Variants in NLRP2 observed in about 807,000 individuals in gnomAD.
NLRP2 encodes NLR family pyrin domain containing 2, also known as NACHT, LRR and PYD domains-containing protein 2.
In NLRP2, 107 loss-of-function variants were observed where a neutral mutation model predicts 97.2. The ratio of observed to expected loss-of-function variants is 1.10; its 90% CI spans 0.94 to 1.29. The LOEUF (loss-of-function observed/expected upper bound fraction) is 1.29, where lower values mean the gene tolerates loss of function less well. Among genes scored for constraint, NLRP2 ranks in the 50% most tolerant of loss-of-function variants. NLRP2 has a pLI of 0.00. For missense variants in NLRP2, 1,495 were observed against 1,330.3 expected, an observed-to-expected ratio of 1.12 and a Z score of -1.93; for synonymous variants, 663 against 551.5, an observed-to-expected ratio of 1.20 and a Z score of -2.83.
chr19:55,000,404 G>A (rs951801241), intron 12 of NLRP2, among the ~76,000 whole-genome samples: 2 of 141,406 alleles, frequency 1.4e-5, no homozygotes, highest in Non-Finnish European at 3.0e-5. Flanking sequence ...AGCCTCCTGA[G>A]TAGCTGGGAC....
chr19:54,995,485 G>A (rs2072758247), intron 11 of NLRP2, among the ~76,000 whole-genome samples: 1 of 151,780 alleles, frequency 6.6e-6, no homozygotes, highest in African/African-American at 2.4e-5. Flanking sequence ...TTGGGAGGCT[G>A]AGGCAGGAGA....
intron 11 of NLRP2, among the ~76,000 whole-genome samples, chr19:54,996,961 G>A (rs889060013): frequency 1.3e-5 from 2 of 152,134 alleles, no homozygotes; most frequent in Non-Finnish European, 2.9e-5. Context: ...AGGCTGGAGT[G>A]CAATGGCGCG....
At chr19:54,967,514 G>T (rs1020548278) in intron 1 of NLRP2, among the ~76,000 whole-genome samples, 3 of 152,024 alleles carry the variant, frequency 2.0e-5, no homozygotes, top group Admixed American at 6.6e-5. Flanking sequence ...CAGTGGTTCT[G>T]ACTGGGGAAA....
Position 54,990,022 on chromosome 19 carries a change from G to T in NLRP2, c.2367G>T (p.Gly789=). 6.2e-7 allele frequency: 1 copy of T among 1,613,764 alleles called. No individual in the cohort carries two copies. Among genetic ancestry groups the T allele is most frequent in the Non-Finnish European group, 8.5e-7 (1 of 1,179,972 alleles). Residue 789 remains glycine (G), a splice_region_variant and synonymous_variant, in exon 9 of 13, where the codon GGG becomes GGT. Transcript: ENST00000448584. Reference sequence around the variant, plus strand: ...TGACGTGGTCCTATTTCTCCCACAGGTTGGTGTCTTGTTCCGCTACCACTC... The same window carrying T: ...TGACGTGGTCCTATTTCTCCCACAGTTTGGTGTCTTGTTCCGCTACCACTC... ...RHPECNLRYL[G]LVSCSATTQQ...
intron 4 of NLRP2, 96 bp from the exon 5 acceptor site, chr19:54,981,521 C>CG: frequency 2.3e-6 from 1 of 430,398 alleles, no homozygotes; most frequent in South Asian, 1.7e-5. Flanking sequence ...CCCCCCTCCC[C>CG]CCCGCCCCAT....
At chr19:54,977,650 A>T (rs2146392770) in intron 3 of NLRP2, 102 bp from the exon 4 acceptor site, 2 of 1,086,080 alleles carry the variant, frequency 1.8e-6, no homozygotes, top group East Asian at 2.3e-5. Context: ...TTTAGTACCT[A>T]ATCTAGGCTT....
At position 54,986,130 on chromosome 19, in the gene NLRP2, CT is replaced by C. The variant is rs773170700; in HGVS notation, c.2202-18del. ...ACAGGTGTACACACTAAAGATTTCA[CT>C]TTCGTTCTCTTTTCCCTAGGTTCAA... On this transcript the variant is annotated intron_variant, in intron 7 of 12. Transcript: ENST00000448584. 8.8e-6 allele frequency: 14 copies of C among 1,586,852 alleles called. No homozygotes were observed. The Admixed American group carries it at 2.2e-4, about 25-fold the overall frequency.
rs192244510 is a variant in NLRP2 at position 54,991,020 on chromosome 19, A to G, written c.2708+348A>G. ...GCCTGCCTTGGCCTCCCAAAGTGCTAGAATTACAGGCATGAGCCATGTCAC... is the reference window on the plus strand; with the variant it reads ...GCCTGCCTTGGCCTCCCAAAGTGCTGGAATTACAGGCATGAGCCATGTCAC... On this transcript the variant is annotated intron_variant, in intron 10 of 12. Coordinates refer to ENST00000448584, the MANE Select transcript of NLRP2 (RefSeq NM_017852.5). 7.1e-4 allele frequency: 250 copies of G among 353,118 alleles called. 2 individuals are homozygous for G. Among genetic ancestry groups the G allele is most frequent in the African/African-American group, 4.9e-3 (236 of 48,282 alleles). 21.9% of individuals were successfully genotyped at this position (353,118 alleles called of 1,614,324 possible).
In NLRP2 at chr19:54,982,716, G is replaced by A. The variant is rs1314049182; in HGVS notation, c.1018G>A (p.Ala340Thr). Reference protein sequence around the residue: ...AALLVTTRPRALRDLRILAEE... With the variant: ...AALLVTTRPRTLRDLRILAEE... ...CCTGCTGGTCACCACGCGGCCCAGG[G>A]CCCTGAGGGACCTCCGGATCCTGGC... Residue 340 changes from alanine to threonine, a missense_variant, in exon 6 of 13, where the codon GCC (alanine) becomes ACC (threonine). Coordinates refer to ENST00000448584, the MANE Select transcript of NLRP2 (RefSeq NM_017852.5). 1.9e-6 allele frequency: 3 copies of A among 1,614,060 alleles called. No individual in the cohort carries two copies. Among genetic ancestry groups the A allele is most frequent in the Non-Finnish European group, 2.5e-6 (3 of 1,179,984 alleles).
intron 10 of NLRP2, 112 bp downstream of exon 10, chr19:54,990,784 A>G (rs1166080626): frequency 9.1e-7 from 1 of 1,094,216 alleles, no homozygotes; most frequent in Middle Eastern, 2.0e-4. Context: ...AGTTCCAAGC[A>G]TGATGCTAAT....
chr19:54,976,790 A>G (rs993331673), intron 3 of NLRP2: 1 of 381,736 alleles, frequency 2.6e-6, no homozygotes, highest in Non-Finnish European at 5.0e-6. Flanking sequence ...TATTGTTATT[A>G]GGATTCCACC....
At chr19:54,971,832 T>G (rs976267384) in intron 2 of NLRP2, among the ~76,000 whole-genome samples, 2 of 150,214 alleles carry the variant, frequency 1.3e-5, no homozygotes, top group African/African-American at 2.4e-5. Context: ...GAACTATGGT[T>G]ATTTAACTCT....
At chr19:54,984,329 GTTTTTTTT>G (rs200366059) in intron 6 of NLRP2, among the ~76,000 whole-genome samples, 79 of 79,674 alleles carry the variant, frequency 9.9e-4, no homozygotes, top group African/African-American at 3.5e-3. Flanking sequence ...TTTTTTTTGT[GTTTTTTTT>G]TTTTTTTTTT....
chr19:54,972,127 C>T (rs900895160), intron 2 of NLRP2, among the ~76,000 whole-genome samples: 1 of 151,426 alleles, frequency 6.6e-6, no homozygotes. Flanking sequence ...CAGGCGTGAG[C>T]CACCGCACCC....
chr19:54,998,182 G>A (rs963410389), intron 12 of NLRP2, among the ~76,000 whole-genome samples: 1 of 151,486 alleles, frequency 6.6e-6, no homozygotes, highest in Non-Finnish European at 1.5e-5. Context: ...CCACACCTAG[G>A]TAATTTTTGT....
chr19:54,971,401 A>T (rs1461010382), intron 2 of NLRP2, among the ~76,000 whole-genome samples: 1 of 152,106 alleles, frequency 6.6e-6, no homozygotes, highest in Non-Finnish European at 1.5e-5. Flanking sequence ...CCCCACACCG[A>T]CTTCCACAAT....
chr19:54,990,206 C>T lies in NLRP2; in HGVS notation c.2537+14C>T. 1.2e-6 allele frequency: 2 copies of T among 1,613,838 alleles called. No individual in the cohort carries two copies. The highest frequency in any genetic ancestry group is 1.7e-6 in the Non-Finnish European group (2 of 1,179,728). ...GCAGAGGTTGTCGTAAGTCTCTCCT[C>T]TCTTACAGAGCAGCTGTGCTTTCGA... is the stretch of plus-strand genomic sequence containing the variant. On this transcript the variant is annotated intron_variant, in intron 9 of 12. Transcript: ENST00000448584.
intron 2 of NLRP2, chr19:54,974,181 C>A: frequency 1.7e-6 from 1 of 589,360 alleles, no homozygotes; most frequent in Non-Finnish European, 3.1e-6. Context: ...TGGTGAAACC[C>A]CATCTCTACT....
Position 54,983,641 on chromosome 19 carries a change from GAAACCTGCAGAAAATGTCACTGCAGGT to G in NLRP2, c.1946_1972del (p.Asn649_Val657del). On this transcript the variant is annotated inframe_deletion, in exon 6 of 13. Coordinates refer to ENST00000448584, the MANE Select transcript of NLRP2 (RefSeq NM_017852.5). The stretch of plus-strand genomic sequence containing the variant: ...TCTTCATTCTGCGTCAAGCACTGTC[GAAACCTGCAGAAAATGTCACTGCAGGT>G]AATAAAGGAGAATCTCCCGGAGAAT... 1 of 1,614,112 alleles carries G rather than the reference GAAACCTGCAGAAAATGTCACTGCAGGT, an allele frequency of 6.2e-7. No individual in the cohort carries two copies. The highest frequency in any genetic ancestry group is 8.5e-7 in the Non-Finnish European group (1 of 1,180,026).
Sources: gnomAD v4.1 joint callset for allele counts (sites outside exome capture counted in the v4.1 genomes callset) on GRCh38, gnomAD v4.1.1 for gene constraint, MANE v1.5 for transcripts, NCBI Gene and HGNC (gene_info 2026-07-23, HGNC 2026-07-21) for gene names.